The following ARHGEF19 variants were observed in gnomAD, a reference collection of about 807,000 sequenced individuals.
The protein encoded by ARHGEF19 is Rho guanine nucleotide exchange factor (GEF) 19.
In ARHGEF19, 92 loss-of-function variants were observed where a neutral mutation model predicts 87.6. The observed-to-expected ratio is 1.05, with a 90% CI of 0.89 to 1.25. The LOEUF (loss-of-function observed/expected upper bound fraction) is 1.25, where lower values mean the gene tolerates loss of function less well. Among genes scored for constraint, ARHGEF19 ranks in the 50% most tolerant of loss-of-function variants. The probability of loss-of-function intolerance (pLI) is 0.00; values close to 1 mark genes in which losing one functional copy is unlikely to be tolerated. For synonymous variants in ARHGEF19, 438 were observed against 446.2 expected (o/e 0.98, Z 0.23); for missense variants, 1,054 against 1,051.8 (o/e 1.00, Z -0.03).
chr1:16,208,664 C>CGTGGCTGGCCCGGCGCT lies in ARHGEF19; in HGVS notation c.374_390dup (p.Gly131SerfsTer36). 1 of 1,605,144 alleles carries CGTGGCTGGCCCGGCGCT rather than the reference C, an allele frequency of 6.2e-7. No individual in the cohort carries two copies. ...TCACAGGCAGACTTCTTCTCCGAGC[C>CGTGGCTGGCCCGGCGCT]GTGGCTGGCCCGGCGCTGTGGCTGT... On this transcript the variant is annotated frameshift_variant, in exon 2 of 16. Transcript: ENST00000270747. LOFTEE classifies it high-confidence loss of function.
chr1:16,203,656 G>C (rs769896012), intron 12 of ARHGEF19, among the ~76,000 whole-genome samples: 2 of 151,996 alleles, frequency 1.3e-5, no homozygotes, highest in Non-Finnish European at 2.9e-5. Flanking sequence ...GCCACATTAG[G>C]CTTCATGATT....
At chr1:16,199,699 G>A (rs11260936) in intron 14 of ARHGEF19, among the ~76,000 whole-genome samples, 1 of 123,990 alleles carries the variant, frequency 8.1e-6, no homozygotes, top group Non-Finnish European at 1.8e-5. Context: ...CATCGCTCCC[G>A]TTTAAAGCCC....
chr1:16,208,771 C>T lies in ARHGEF19; in HGVS notation c.284G>A (p.Arg95Gln), dbSNP rs752925050. The T allele has an allele frequency of 1.8e-5, 29 of 1,612,860 alleles. No individual in the cohort carries two copies. The highest frequency in any genetic ancestry group is 1.6e-4 in the Middle Eastern group (1 of 6,072). ...SDTEITSGGMRPSRAGSWPHC... is the reference protein window; with the variant it reads ...SDTEITSGGMQPSRAGSWPHC... ...TGGCCAGCTGCCAGCCCTGCTGGGC[C>T]GCATCCCCCCGCTGGTGATCTCTGT... Residue 95 changes from arginine to glutamine, a missense_variant, in exon 2 of 16, where the codon CGG (arginine) becomes CAG (glutamine). Arg to Gln is a conservative substitution (Grantham distance 43). Transcript: ENST00000270747.
intron 12 of ARHGEF19, among the ~76,000 whole-genome samples, chr1:16,203,100 C>T (rs1184683729): frequency 1.3e-5 from 2 of 152,272 alleles, no homozygotes; most frequent in South Asian, 2.1e-4. Context: ...GGCTGAGCCT[C>T]GTCTCTTTGC....
Position 16,206,732 on chromosome 1 carries a change from A to G in ARHGEF19, c.1137+216T>C, listed in dbSNP as rs1386452427. ...TGGCTCCGCCCCCTACCCGCACCCA[A>G]GCCCGGCTCCCCTCGCCTCTCGCTC... On this transcript the variant is annotated intron_variant, in intron 6 of 15. Transcript: ENST00000270747. This position sits in a 1 kb window ranked among gnomAD's most constrained non-coding sequence, Gnocchi z 4.6. Among the ~76,000 whole-genome samples the G allele has an allele frequency of 6.6e-6, 1 of 151,220 alleles. No homozygotes were observed. The highest frequency in any genetic ancestry group is 1.5e-5 in the Non-Finnish European group (1 of 67,738).
chr1:16,206,746 C>T lies in ARHGEF19; in HGVS notation c.1137+202G>A, dbSNP rs944763000. Among the ~76,000 whole-genome samples the T allele has an allele frequency of 6.6e-6, 1 of 152,146 alleles. No individual in the cohort carries two copies. Among genetic ancestry groups the T allele is most frequent in the South Asian group, 2.1e-4 (1 of 4,812 alleles). Reference sequence around the variant, plus strand: ...ACCCGCACCCAAGCCCGGCTCCCCTCGCCTCTCGCTCAGCGGCTTGCTGTC... The same window carrying T: ...ACCCGCACCCAAGCCCGGCTCCCCTTGCCTCTCGCTCAGCGGCTTGCTGTC... On this transcript the variant is annotated intron_variant, in intron 6 of 15. Transcript: ENST00000270747. The surrounding 1 kb of genome is among the most constrained non-coding windows in gnomAD (Gnocchi z 4.6).
At chr1:16,202,127 C>T (rs1349869416) in intron 13 of ARHGEF19, among the ~76,000 whole-genome samples, 1 of 152,170 alleles carries the variant, frequency 6.6e-6, no homozygotes, top group Non-Finnish European at 1.5e-5. Flanking sequence ...AGTCCTGAAG[C>T]CAGAGATAGC....
chr1:16,204,432 T>C (rs1446038199), intron 12 of ARHGEF19, among the ~76,000 whole-genome samples: 1 of 152,288 alleles, frequency 6.6e-6, no homozygotes, highest in African/African-American at 2.4e-5. Flanking sequence ...ACTGAGTAAA[T>C]GTTGGCTTCT....
At chr1:16,203,829 C>T (rs929400953) in intron 12 of ARHGEF19, among the ~76,000 whole-genome samples, 1 of 152,204 alleles carries the variant, frequency 6.6e-6, no homozygotes, top group Non-Finnish European at 1.5e-5. Flanking sequence ...CCAGGAAATA[C>T]CGCAGTACAC....
At chr1:16,208,572 A>G in intron 2 of ARHGEF19, 71 bp downstream of exon 2, 2 of 1,485,718 alleles carry the variant, frequency 1.3e-6, no homozygotes. Flanking sequence ...CATAAAGGTT[A>G]AGGAGCTGCC....
chr1:16,203,872 A>C (rs1361817579), intron 12 of ARHGEF19, among the ~76,000 whole-genome samples: 1 of 152,250 alleles, frequency 6.6e-6, no homozygotes, highest in African/African-American at 2.4e-5. Flanking sequence ...TATGGTTGTC[A>C]GAATGTATTT....
Position 16,207,992 on chromosome 1 carries a change from C to A in ARHGEF19, c.646G>T (p.Ala216Ser). 6.2e-7 allele frequency: 1 copy of A among 1,612,776 alleles called. No individual in the cohort carries two copies. The highest frequency in any genetic ancestry group is 8.5e-7 in the Non-Finnish European group (1 of 1,179,910). ...GACCCAGAGATGAGTGCCCGGGCTG[C>A]TGAATTCCGCCCCAGGCGCAGAGAA... ...HSSLRLGRNS[A>S]ARALISGSGT... Residue 216 changes from alanine to serine, a missense_variant, in exon 3 of 16, where the codon GCA becomes TCA. Transcript: ENST00000270747. The surrounding 1 kb of genome is among the most constrained non-coding windows in gnomAD (Gnocchi z 4.0).
rs527482350 is a variant in ARHGEF19 at position 16,206,459 on chromosome 1, A to C, written c.1138-119T>G. On this transcript the variant is annotated intron_variant, in intron 6 of 15. Transcript: ENST00000270747. The surrounding 1 kb of genome is among the most constrained non-coding windows in gnomAD (Gnocchi z 4.6). ...GCGTCCTCGCCCCTTCTCTAGCCCC[A>C]CTCCTAATCTGGCGCCGGGCGGGCC... The C allele has an allele frequency of 3.5e-6, 4 of 1,136,428 alleles. No individual in the cohort carries two copies. The highest frequency in any genetic ancestry group is 2.7e-5 in the East Asian group (1 of 37,516). 70.4% of individuals were successfully genotyped at this position (1,136,428 alleles called of 1,614,324 possible). A position where few individuals can be genotyped will look rare whatever the true frequency, so the allele number is the denominator to read the frequency against.
At position 16,208,653 on chromosome 1, in the gene ARHGEF19, C is replaced by G. The variant is rs772251757; in HGVS notation, c.402G>C (p.Lys134Asn). 1 of 1,603,850 alleles carries G rather than the reference C, an allele frequency of 6.2e-7. No individual in the cohort carries two copies. Among genetic ancestry groups the G allele is most frequent in the Non-Finnish European group, 8.5e-7 (1 of 1,176,828 alleles). Residue 134 changes from lysine (K) to asparagine (N), a missense_variant, in exon 2 of 16, where the codon AAG becomes AAC. Lys to Asn is a moderately conservative substitution (Grantham distance 94, BLOSUM62 0). Transcript: ENST00000270747. ...PQRRASHGSE[K>N]KSAWRKMRVY... ...CCCAGGGTGACTCACAGGCAGACTTCTTCTCCGAGCCGTGGCTGGCCCGGC... is the reference window on the plus strand; with the variant it reads ...CCCAGGGTGACTCACAGGCAGACTTGTTCTCCGAGCCGTGGCTGGCCCGGC...
Position 16,205,783 on chromosome 1 carries a change from G to A in ARHGEF19, c.1452-116C>T. 2.7e-6 allele frequency: 4 copies of A among 1,487,896 alleles called. No individual in the cohort carries two copies. The South Asian group carries it at 5.3e-5, about 20-fold the overall frequency. 92.2% of individuals were successfully genotyped at this position (1,487,896 alleles called of 1,614,324 possible). On this transcript the variant is annotated intron_variant, in intron 8 of 15. Coordinates refer to ENST00000270747, the MANE Select transcript of ARHGEF19 (RefSeq NM_153213.5). The surrounding 1 kb of genome is among the most constrained non-coding windows in gnomAD (Gnocchi z 5.8). ...CTCAGCACATCCTTACTGCCCTTTGGGGTTGCATCTCACCTTATCCTGGTC... is the reference window on the plus strand; with the variant it reads ...CTCAGCACATCCTTACTGCCCTTTGAGGTTGCATCTCACCTTATCCTGGTC...
rs778628464 is a variant in ARHGEF19, at chr1:16,198,721, C to T, written c.2275G>A (p.Ala759Thr). 6.2e-7 allele frequency: 1 copy of T among 1,608,520 alleles called. No homozygotes were observed. Among genetic ancestry groups the T allele is most frequent in the South Asian group, 1.1e-5 (1 of 90,530 alleles). Residue 759 changes from alanine to threonine, a missense_variant, in exon 16 of 16, where the codon GCA (alanine) becomes ACA (threonine). Ala to Thr is a moderately conservative substitution (Grantham distance 58). Transcript: ENST00000270747. The surrounding 1 kb of genome is among the most constrained non-coding windows in gnomAD (Gnocchi z 4.1). ...SDGWLEGVRLADGEKGWVPQA... is the reference protein window; with the variant it reads ...SDGWLEGVRLTDGEKGWVPQA... ...GGCACCCACCCCTTCTCACCATCTG[C>T]CAGGCGGACCCCTTCCAGCCAGCCT...
chr1:16,204,775 G>A lies in ARHGEF19; in HGVS notation c.1891C>T (p.Leu631Phe), dbSNP rs748942395. The change falls in exon 12 of 16, where the codon CTC (leucine) becomes TTC (phenylalanine). Residue 631 changes from leucine (L) to phenylalanine (F), a missense_variant. By Grantham distance (22) the Leu-to-Phe change is conservative. Coordinates refer to ENST00000270747, the MANE Select transcript of ARHGEF19 (RefSeq NM_153213.5). ...CCGACTCACTCCTTCCGCCGAGAGA[G>A]CAGCAAGCAGTCATTGAAGAGGTGG... ...YLHLFNDCLLLSRRKELGKFA... is the reference protein window; with the variant it reads ...YLHLFNDCLLFSRRKELGKFA... 6.2e-6 allele frequency: 10 copies of A among 1,604,144 alleles called. No individual in the cohort carries two copies. Among genetic ancestry groups the A allele is most frequent in the Non-Finnish European group, 8.5e-6 (10 of 1,172,754 alleles).
chr1:16,207,361 A>G lies in ARHGEF19; in HGVS notation c.875-151T>C, dbSNP rs528010460. 2.3e-5 allele frequency: 31 copies of G among 1,334,846 alleles called. No individual in the cohort carries two copies. In the East Asian group the frequency reaches 5.6e-4, roughly 24 times the overall value. 82.7% of individuals were successfully genotyped at this position (1,334,846 alleles called of 1,614,324 possible). A position where few individuals can be genotyped will look rare whatever the true frequency, so the allele number is the denominator to read the frequency against. On this transcript the variant is annotated intron_variant, in intron 5 of 15. Transcript: ENST00000270747. This position sits in a 1 kb window ranked among gnomAD's most constrained non-coding sequence, Gnocchi z 4.0. Reference sequence around the variant, plus strand: ...ATTCATTCATTCATTCATTCATTCCATAAACAAATTGAGCACCTACTGAGT... The same window carrying G: ...ATTCATTCATTCATTCATTCATTCCGTAAACAAATTGAGCACCTACTGAGT...
rs2081140991 is a variant in ARHGEF19, at chr1:16,206,803, C to T, written c.1137+145G>A. ...TCCAGACGGCCTCGTGTAGTCAGGTCCTAGAGCCAACCTTCCGCGCGGACA... is the reference window on the plus strand; with the variant it reads ...TCCAGACGGCCTCGTGTAGTCAGGTTCTAGAGCCAACCTTCCGCGCGGACA... On this transcript the variant is annotated intron_variant, in intron 6 of 15. Transcript: ENST00000270747. This position sits in a 1 kb window ranked among gnomAD's most constrained non-coding sequence, Gnocchi z 4.6. The T allele has an allele frequency of 2.7e-6, 3 of 1,103,620 alleles. No individual in the cohort carries two copies. The highest frequency in any genetic ancestry group is 3.7e-5 in the Admixed American group (1 of 27,080). 68.4% of individuals were successfully genotyped at this position (1,103,620 alleles called of 1,614,324 possible).
Sources: gnomAD v4.1 joint callset for allele counts (sites outside exome capture counted in the v4.1 genomes callset) on GRCh38, gnomAD v4.1.1 for gene constraint, Gnocchi (gnomAD v3.1) non-coding constraint, MANE v1.5 for transcripts, NCBI Gene and HGNC (gene_info 2026-07-23, HGNC 2026-07-21) for gene names.